GALK1: variants seen among roughly 807,000 people sequenced by gnomAD.
GALK1 encodes galactokinase.
GALK1 carries 30 observed loss-of-function variants against 38.6 expected under a neutral mutation model. The observed-to-expected ratio is 0.78, with a 90% CI of 0.58 to 1.05. The LOEUF (loss-of-function observed/expected upper bound fraction) is 1.05. Among genes scored for constraint, GALK1 ranks in the 50% least tolerant of loss-of-function variants. GALK1 has a pLI of 0.00. For missense variants in GALK1, 512 were observed against 540.5 expected, an observed-to-expected ratio of 0.95 and a Z score of 0.52; for synonymous variants, 240 against 233.6, an observed-to-expected ratio of 1.03 and a Z score of -0.25.
chr17:75,755,756 C>T (rs2061483365), downstream of GALK1: 4 of 1,612,786 alleles, frequency 2.5e-6, no homozygotes, highest in Non-Finnish European at 3.4e-6. Context: ...TGTTCTCTGC[C>T]CTGGGGCCCA....
At position 75,752,205 on chromosome 17, in the gene GALK1, T is replaced by C. The variant is rs2143407710; in HGVS notation, c.*23-468A>G. On this transcript the variant is annotated intron_variant, in intron 8 of 8. Transcript: ENST00000225614. ...TTGGGCCCATGAAGAAAGTGCTGGT[T>C]GACAACCCTAAGAACCGGATGCTGC... The C allele has an allele frequency of 1.9e-6, 3 of 1,613,960 alleles. No individual in the cohort carries two copies. The East Asian group carries it at 6.7e-5, about 36-fold the overall frequency.
intron 5 of GALK1, among the ~76,000 whole-genome samples, chr17:75,760,087 G>A (rs1432981319): frequency 2.0e-5 from 3 of 152,112 alleles, no homozygotes; most frequent in Admixed American, 6.5e-5. Context: ...GGAGCCTTAA[G>A]GATACTTGTA....
chr17:75,760,476 T>C (rs1483087477), intron 5 of GALK1, among the ~76,000 whole-genome samples: 1 of 151,004 alleles, frequency 6.6e-6, no homozygotes, highest in Non-Finnish European at 1.5e-5. Context: ...AGAATGCAGA[T>C]AGGCCAGGTG....
downstream of GALK1, chr17:75,753,810 T>C (rs2143452967): frequency 6.8e-7 from 1 of 1,466,072 alleles, no homozygotes; most frequent in South Asian, 1.4e-5. Context: ...GAGCTGGACC[T>C]GCGGCGCGTC....
At chr17:75,760,869 G>T (rs2061584516) in intron 5 of GALK1, among the ~76,000 whole-genome samples, 1 of 152,108 alleles carries the variant, frequency 6.6e-6, no homozygotes, top group Non-Finnish European at 1.5e-5. Context: ...CAAGAGTTCA[G>T]GTCCAGCCTG....
chr17:75,756,824 G>C, downstream of GALK1: 1 of 1,612,400 alleles, frequency 6.2e-7, no homozygotes, highest in East Asian at 2.2e-5. Context: ...GATATCGTCG[G>C]CTACCTGGTG....
At position 75,763,958 on chromosome 17, in the gene GALK1, C is replaced by A. The variant is rs766656571; in HGVS notation, c.294G>T (p.Ser98=). 11 of 1,613,296 alleles carry A rather than the reference C, an allele frequency of 6.8e-6. No homozygotes were observed. The Admixed American group carries it at 1.8e-4, about 27-fold the overall frequency. ...CCCACCGAGGAGTCCCAGGCTCCAGCGAGCGCTGGGCTGTGGGCAGTGGAA... is the reference window on the plus strand; with the variant it reads ...CCCACCGAGGAGTCCCAGGCTCCAGAGAGCGCTGGGCTGTGGGCAGTGGAA... ...LQFPLPTAQR[S]LEPGTPRWAN... Residue 98 remains serine, a synonymous_variant, in exon 2 of 8, where the codon TCG becomes TCT. Transcript: ENST00000588479.
downstream of GALK1, among the ~76,000 whole-genome samples, chr17:75,755,385 C>T (rs1048812050): frequency 1.3e-5 from 2 of 152,316 alleles, no homozygotes; most frequent in East Asian, 1.9e-4. Context: ...ATGCCTAACT[C>T]TGCCTCTGCC....
At chr17:75,754,082 G>A, downstream of GALK1, 1 of 485,156 alleles carries the variant, frequency 2.1e-6, no homozygotes, top group Admixed American at 4.0e-5. Flanking sequence ...GTTTCAGCCA[G>A]GCCCGGGCCT....
At chr17:75,755,100 C>T (rs376700124), downstream of GALK1, 197 of 1,605,000 alleles carry the variant, frequency 1.2e-4, no homozygotes, top group Non-Finnish European at 1.5e-4. Context: ...CTTCCGCTGT[C>T]CTGGGCCCTG....
intron 8 of GALK1, chr17:75,752,193 G>A: frequency 6.2e-7 from 1 of 1,613,980 alleles, no homozygotes. Context: ...GGCCCATGAA[G>A]AAAGTGCTGG....
intron 5 of GALK1, 73 bp downstream of exon 5, chr17:75,762,631 G>T: frequency 6.5e-7 from 1 of 1,534,172 alleles, no homozygotes. Context: ...GTCCCAGGCA[G>T]GGTCAAGGCC....
At chr17:75,753,942 T>C, downstream of GALK1, 1 of 1,272,922 alleles carries the variant, frequency 7.9e-7, no homozygotes. Context: ...GGCGGCAGCC[T>C]GCCCCGCAGT....
downstream of GALK1, chr17:75,755,913 A>C (rs2061488791): frequency 6.4e-7 from 1 of 1,555,996 alleles, no homozygotes; most frequent in Non-Finnish European, 8.7e-7. Context: ...CCAGTGTGAC[A>C]CATAGGGTAC....
chr17:75,763,059 A>G lies in GALK1; in HGVS notation c.566T>C (p.Ile189Thr). The G allele has an allele frequency of 1.2e-6, 2 of 1,613,014 alleles. No homozygotes were observed. Among genetic ancestry groups the G allele is most frequent in the Non-Finnish European group, 8.5e-7 (1 of 1,179,996 alleles). ...GTGGCCTTTCTGTCCCATAAGTGAG[A>G]TGAACTGGTCCATGATGCCACAGGG... ...GMPCGIMDQF[I>T]SLMGQKGHAL... Residue 189 changes from isoleucine to threonine, a missense_variant, in exon 4 of 8, where the codon ATC becomes ACC. By Grantham distance (89) the Ile-to-Thr change is moderately conservative. Transcript: ENST00000588479.
In GALK1 at chr17:75,764,156, C is replaced by T. The variant is rs1009535053; in HGVS notation, c.166-70G>A. ...GTAAGCCTCTCCAATGACACTGCCT[C>T]CAGCCGAGGTTCTGATGCCTCCACA... On this transcript the variant is annotated intron_variant, in intron 1 of 7. Coordinates refer to ENST00000588479, the MANE Select transcript of GALK1 (RefSeq NM_000154.2). 6 of 1,399,142 alleles carry T rather than the reference C, an allele frequency of 4.3e-6. No individual in the cohort carries two copies. The Admixed American group carries it at 1.2e-4, about 27-fold the overall frequency. The allele number at this position is 1,399,142 out of a possible 1,614,324, so 86.7% of individuals were successfully genotyped here.
chr17:75,763,510 T>C (rs1027992509), intron 2 of GALK1, 71 bp from the exon 3 acceptor site: 2 of 1,512,250 alleles, frequency 1.3e-6, no homozygotes, highest in African/African-American at 2.8e-5. Flanking sequence ...GCAGGTGTCC[T>C]GGCGGGAAGG....
rs751697127 is a variant in GALK1, at chr17:75,763,859, G to A, written c.355+38C>T. ...CTGTGGCTGTGAGGTGGCACTCCTA[G>A]TATCAGTGAGGACTTGGCTCAGGCC... On this transcript the variant is annotated intron_variant, in intron 2 of 7. Coordinates refer to ENST00000588479, the MANE Select transcript of GALK1 (RefSeq NM_000154.2). 2.5e-6 allele frequency: 4 copies of A among 1,582,368 alleles called. No homozygotes were observed. In the African/African-American group the frequency reaches 4.0e-5, roughly 16 times the overall value.
chr17:75,755,707 G>C, downstream of GALK1: 2 of 1,612,822 alleles, frequency 1.2e-6, no homozygotes, highest in South Asian at 1.1e-5. Context: ...CCAGACTCTC[G>C]CCTGACTGCT....
Sources: gnomAD v4.1 joint callset for allele counts (sites outside exome capture counted in the v4.1 genomes callset) on GRCh38, gnomAD v4.1.1 for gene constraint, MANE v1.5 for transcripts, NCBI Gene and HGNC (gene_info 2026-07-23, HGNC 2026-07-21) for gene names.